RPTOR: variants seen among roughly 807,000 people sequenced by gnomAD.
The protein encoded by RPTOR is regulatory associated protein of MTOR complex 1, also known as regulatory-associated protein of mTOR.
In RPTOR, 21 loss-of-function variants were observed where a neutral mutation model predicts 169.9. The observed-to-expected ratio is 0.12, with a 90% CI of 0.09 to 0.18. RPTOR has a LOEUF of 0.18. RPTOR is among the 10% of genes least tolerant of loss of function. The probability of loss-of-function intolerance (pLI) is 1.00; values close to 1 mark genes in which losing one functional copy is unlikely to be tolerated. For missense variants in RPTOR, 1,133 were observed against 1,855.9 expected (o/e 0.61, Z 7.16); for synonymous variants, 732 against 753.2 (o/e 0.97, Z 0.46).
intron 24 of RPTOR, among the ~76,000 whole-genome samples, chr17:80,939,414 T>C (rs2144034155): frequency 6.6e-6 from 1 of 152,314 alleles, no homozygotes; most frequent in African/African-American, 2.4e-5. Context: ...GGCCCTGAAG[T>C]GAATGAAGAC....
chr17:80,928,441 C>A (rs2068837979), intron 24 of RPTOR, among the ~76,000 whole-genome samples: 1 of 152,170 alleles, frequency 6.6e-6, no homozygotes, highest in Non-Finnish European at 1.5e-5. Context: ...GAACTGCAAA[C>A]CCGAAACTGC....
At position 80,707,397 on chromosome 17, in the gene RPTOR, G is replaced by A. The variant is rs1247066122; in HGVS notation, c.349-444G>A. Among the ~76,000 whole-genome samples, 1 of 152,116 alleles carries A rather than the reference G, an allele frequency of 6.6e-6. No homozygotes were observed. Among genetic ancestry groups the A allele is most frequent in the Non-Finnish European group, 1.5e-5 (1 of 68,004 alleles). On this transcript the variant is annotated intron_variant, in intron 3 of 33. Coordinates refer to ENST00000306801, the MANE Select transcript of RPTOR (RefSeq NM_020761.3). This position sits in a 1 kb window ranked among gnomAD's most constrained non-coding sequence, Gnocchi z 5.0. The stretch of plus-strand genomic sequence containing the variant: ...AACCATCATGTGTGGCAGTTCTTAT[G>A]TAGTGTTTTGATTTGTTTTTTTGAG...
At chr17:80,798,882 G>T (rs1351716267) in intron 7 of RPTOR, among the ~76,000 whole-genome samples, 1 of 152,180 alleles carries the variant, frequency 6.6e-6, no homozygotes, top group Non-Finnish European at 1.5e-5. Context: ...ACGGTTGTCT[G>T]GGTGACACCC....
intron 5 of RPTOR, among the ~76,000 whole-genome samples, chr17:80,744,025 T>C (rs201020745): frequency 0.019 from 128 of 6,682 alleles, 2 homozygotes; most frequent in East Asian, 0.16. Flanking sequence ...ACAGCCCTGG[T>C]TACTAGCACA....
At chr17:80,591,328 C>G (rs1283945834) in intron 1 of RPTOR, among the ~76,000 whole-genome samples, 1 of 141,044 alleles carries the variant, frequency 7.1e-6, no homozygotes. Flanking sequence ...TTTTCTTTCT[C>G]TCCTTCTTTT....
Position 80,945,771 on chromosome 17 carries a change from G to A in RPTOR, c.3130G>A (p.Asp1044Asn). The A allele has an allele frequency of 3.7e-6, 6 of 1,609,160 alleles. No homozygotes were observed. Among genetic ancestry groups the A allele is most frequent in the Non-Finnish European group, 4.2e-6 (5 of 1,177,454 alleles). Residue 1044 changes from aspartate (D) to asparagine (N), a missense_variant, in exon 26 of 34, where the codon GAC (aspartate) becomes AAC (asparagine). By Grantham distance (23) the Asp-to-Asn change is conservative. Transcript: ENST00000306801. ...GCCGTGCATCGCCGTAGCCGACAAG[G>A]ACAGCATCTGGTATGCACCGCGCTG... Reference protein sequence around the residue: ...FTPCIAVADKDSICFWDWEKG... With the variant: ...FTPCIAVADKNSICFWDWEKG...
chr17:80,620,404 G>A lies in RPTOR; in HGVS notation c.163-5287G>A, dbSNP rs1417394056. Reference sequence around the variant, plus strand: ...CATTAATCAAGAGTTTTTGAAACGAGGTTGCCATAGAAATGAAAATACAAT... The same window carrying A: ...CATTAATCAAGAGTTTTTGAAACGAAGTTGCCATAGAAATGAAAATACAAT... On this transcript the variant is annotated intron_variant, in intron 1 of 33. Transcript: ENST00000306801. 4.6e-5 allele frequency among the ~76,000 whole-genome samples: 7 copies of A among 152,230 alleles called. No individual in the cohort carries two copies. In the South Asian group the frequency reaches 1.5e-3, roughly 32 times the overall value.
intron 21 of RPTOR, among the ~76,000 whole-genome samples, chr17:80,920,235 C>CTCATGTTCACAATCTTGGG (rs2068728848): frequency 6.6e-6 from 1 of 152,244 alleles, no homozygotes; most frequent in Non-Finnish European, 1.5e-5. Context: ...GGACACGCTA[C>CTCATGTTCACAATCTTGGG]TCATGTTCAC....
chr17:80,720,749 G>A (rs960577828), intron 4 of RPTOR, among the ~76,000 whole-genome samples: 5 of 152,178 alleles, frequency 3.3e-5, no homozygotes, highest in Non-Finnish European at 7.3e-5. Flanking sequence ...GGCTCACGGA[G>A]CCACAGACTG....
chr17:80,700,563 A>AT, intron 3 of RPTOR, among the ~76,000 whole-genome samples: 1 of 106,448 alleles, frequency 9.4e-6, no homozygotes, highest in Middle Eastern at 7.4e-3. Flanking sequence ...GTGATGGTAG[A>AT]GATGATGGTG....
At chr17:80,579,420 G>C (rs539663359) in intron 1 of RPTOR, among the ~76,000 whole-genome samples, 1 of 152,232 alleles carries the variant, frequency 6.6e-6, no homozygotes, top group African/African-American at 2.4e-5. Flanking sequence ...TCGAACTCCC[G>C]ACCTCAGGTG....
At chr17:80,681,667 C>T (rs2065899508) in intron 3 of RPTOR, among the ~76,000 whole-genome samples, 2 of 65,996 alleles carry the variant, frequency 3.0e-5, no homozygotes, top group African/African-American at 1.3e-4. Context: ...ATGAGGTGTA[C>T]GTCTCTTACA....
chr17:80,832,530 G>T (rs1349997903), intron 9 of RPTOR, among the ~76,000 whole-genome samples: 1 of 152,192 alleles, frequency 6.6e-6, no homozygotes. Context: ...CTTAACAAGG[G>T]CAGGGAGGGA....
intron 3 of RPTOR, among the ~76,000 whole-genome samples, chr17:80,654,043 G>A (rs561760879): frequency 2.7e-5 from 4 of 148,074 alleles, no homozygotes; most frequent in African/African-American, 1.0e-4. Flanking sequence ...GGGGCAAGGG[G>A]AGTGTGTGGT....
Position 80,744,101 on chromosome 17 carries a change from T to G in RPTOR, c.655-9909T>G, listed in dbSNP as rs139657129. The stretch of plus-strand genomic sequence containing the variant: ...TGGTTACGAGCACAGCCCTGGTTAC[T>G]AGCACAGCCCTGGTTACTAGCACAG... On this transcript the variant is annotated intron_variant, in intron 5 of 33. Coordinates refer to ENST00000306801, the MANE Select transcript of RPTOR (RefSeq NM_020761.3). 2.3e-3 allele frequency among the ~76,000 whole-genome samples: 86 copies of G among 37,148 alleles called. 10 individuals are homozygous for G. The highest frequency in any genetic ancestry group is 0.018 in the Middle Eastern group (1 of 56). The allele number at this position is 37,148 out of a possible 152,430, so 24.4% of individuals were successfully genotyped here. A position where few individuals can be genotyped will look rare whatever the true frequency, so the allele number is the denominator to read the frequency against.
At chr17:80,842,038 C>G (rs1212513485) in intron 10 of RPTOR, among the ~76,000 whole-genome samples, 1 of 152,168 alleles carries the variant, frequency 6.6e-6, no homozygotes, top group Admixed American at 6.5e-5. Flanking sequence ...CTCACTCTCA[C>G]CACACGGCAG....
chr17:80,602,119 G>T lies in RPTOR; in HGVS notation c.163-23572G>T, dbSNP rs1196017533. 7.7e-5 allele frequency among the ~76,000 whole-genome samples: 5 copies of T among 64,890 alleles called. 2 individuals carry two copies. Among genetic ancestry groups the T allele is most frequent in the Non-Finnish European group, 1.7e-4 (5 of 28,692 alleles). The allele number at this position is 64,890 out of a possible 152,430, so 42.6% of individuals were successfully genotyped here. A position where few individuals can be genotyped will look rare whatever the true frequency, so the allele number is the denominator to read the frequency against. On this transcript the variant is annotated intron_variant, in intron 1 of 33. Coordinates refer to ENST00000306801, the MANE Select transcript of RPTOR (RefSeq NM_020761.3). ...GACGGGGTGGTGGCCGGACAGAGGG[G>T]CTCCTCACTTCCCAGTAGGGGCGGC...
At chr17:80,567,658 G>T (rs938773277) in intron 1 of RPTOR, among the ~76,000 whole-genome samples, 1 of 151,800 alleles carries the variant, frequency 6.6e-6, no homozygotes, top group African/African-American at 2.4e-5. Flanking sequence ...CGGGCATGGT[G>T]GCGGGCGCCT....
intron 4 of RPTOR, among the ~76,000 whole-genome samples, chr17:80,715,268 C>T (rs1488359197): frequency 2.0e-5 from 3 of 152,158 alleles, no homozygotes; most frequent in Admixed American, 2.0e-4. Context: ...GATATCCCCA[C>T]ATATCCTATA....
Sources: allele counts gnomAD v4.1 joint callset (sites outside exome capture counted in the v4.1 genomes callset), GRCh38; gene constraint gnomAD v4.1.1; non-coding constraint Gnocchi (gnomAD v3.1); transcripts MANE v1.5; gene names NCBI Gene and HGNC (gene_info 2026-07-23, HGNC 2026-07-21).